The following SLC26A9 variants were observed in gnomAD, a reference collection of about 807,000 sequenced individuals.
The protein encoded by SLC26A9 is solute carrier family 26 member 9.
In SLC26A9, 46 loss-of-function variants were observed where a neutral mutation model predicts 87.1. The observed-to-expected ratio is 0.53, with a 90% CI of 0.42 to 0.67. The LOEUF is 0.67. Among genes scored for constraint, SLC26A9 ranks in the 30% least tolerant of loss-of-function variants. SLC26A9 has a pLI of 0.00. For missense variants in SLC26A9, 927 were observed against 1,018.3 expected (o/e 0.91, Z 1.22); for synonymous variants, 437 against 409.1 (o/e 1.07, Z -0.82).
chr1:205,917,475 C>T (rs917889584), intron 19 of SLC26A9, 121 bp from the exon 20 acceptor site: 1 of 910,878 alleles, frequency 1.1e-6, no homozygotes, highest in South Asian at 1.4e-5. Context: ...TGACACATGA[C>T]TTATCCTCTT....
rs1334134939 is a variant in SLC26A9, at chr1:205,920,165, C to T, written c.2110+11G>A. ...CAGTCTTTCAGTCCCTAAATGTCCT[C>T]TTTCTCTTACCATGGATGTTCACCA... On this transcript the variant is annotated intron_variant, in intron 18 of 20. Coordinates refer to ENST00000367135, the MANE Select transcript of SLC26A9 (RefSeq NM_052934.4). 4 of 1,613,754 alleles carry T rather than the reference C, an allele frequency of 2.5e-6. No individual in the cohort carries two copies. The highest frequency in any genetic ancestry group is 3.4e-6 in the Non-Finnish European group (4 of 1,179,788).
rs528418389 is a variant in SLC26A9, at chr1:205,917,109, A to G, written c.2328+174T>C. Among the ~76,000 whole-genome samples, 5 of 149,172 alleles carry G rather than the reference A, an allele frequency of 3.4e-5. No individual in the cohort carries two copies. In the South Asian group the frequency reaches 6.3e-4, roughly 19 times the overall value. On this transcript the variant is annotated intron_variant, in intron 20 of 20. Transcript: ENST00000367135. Reference sequence around the variant, plus strand: ...CTTTGTCTCAAATTAAAAAAAAAAAAAAAAGAAAAGGAAAAGAAAAAAAAC... The same window carrying G: ...CTTTGTCTCAAATTAAAAAAAAAAAGAAAAGAAAAGGAAAAGAAAAAAAAC...
chr1:205,927,773 G>A (rs1659138001), intron 9 of SLC26A9, 129 bp downstream of exon 9: 12 of 1,484,798 alleles, frequency 8.1e-6, no homozygotes, highest in Non-Finnish European at 1.1e-5. Context: ...AGGGTCAGAG[G>A]ACCCCCTATC....
intron 8 of SLC26A9, chr1:205,928,396 G>C: frequency 2.6e-6 from 1 of 385,682 alleles, no homozygotes; most frequent in South Asian, 3.7e-5. Context: ...TCCCTTGCCT[G>C]TTCCAACCCT....
At chr1:205,929,750 A>T (rs1659230436) in intron 6 of SLC26A9, 142 bp downstream of exon 6, 1 of 1,131,232 alleles carries the variant, frequency 8.8e-7, no homozygotes, top group Non-Finnish European at 1.2e-6. Flanking sequence ...CTCCCAAGAC[A>T]GAAACCCCCT....
At chr1:205,938,154 C>T (rs1372916104) in intron 1 of SLC26A9, among the ~76,000 whole-genome samples, 1 of 151,944 alleles carries the variant, frequency 6.6e-6, no homozygotes, top group South Asian at 2.1e-4. Context: ...TACCTTTCTT[C>T]CTGCCACCCA....
At chr1:205,941,018 G>C (rs1659722394) in intron 1 of SLC26A9, among the ~76,000 whole-genome samples, 1 of 152,186 alleles carries the variant, frequency 6.6e-6, no homozygotes, top group East Asian at 1.9e-4. Flanking sequence ...GGGCCACAGG[G>C]TAAGAGCAGC....
chr1:205,928,097 A>C (rs61218473), intron 8 of SLC26A9, 48 bp from the exon 9 acceptor site: 2 of 1,587,014 alleles, frequency 1.3e-6, no homozygotes, highest in East Asian at 4.5e-5. Context: ...GTGAGTGGGG[A>C]GGGCAGCCAA....
At chr1:205,922,921 G>C (rs1437956306) in intron 16 of SLC26A9, among the ~76,000 whole-genome samples, 161 bp downstream of exon 16, 1 of 151,916 alleles carries the variant, frequency 6.6e-6, no homozygotes, top group African/African-American at 2.4e-5. Context: ...AGAAAAAAAA[G>C]AAGAAAAATG....
At chr1:205,923,706 T>C in intron 13 of SLC26A9, 93 bp from the exon 14 acceptor site, 1 of 1,375,452 alleles carries the variant, frequency 7.3e-7, no homozygotes, top group Non-Finnish European at 1.0e-6. Flanking sequence ...AGAGCCAAGG[T>C]AGGATGGGGT....
intron 1 of SLC26A9, among the ~76,000 whole-genome samples, chr1:205,937,383 G>A (rs56029782): frequency 0.014 from 2,114 of 152,310 alleles, 53 homozygotes; most frequent in African/African-American, 0.048. Context: ...GCAGAAATGA[G>A]TAAGGGCAAT....
Position 205,926,613 on chromosome 1 carries a change from C to A in SLC26A9, c.1311G>T (p.Leu437=), listed in dbSNP as rs1021610722. Residue 437 remains leucine (L), a synonymous_variant, in exon 12 of 21, where the codon CTG becomes CTT. Coordinates refer to ENST00000367135, the MANE Select transcript of SLC26A9 (RefSeq NM_052934.4). ...YPLPKSVLGA[L]IAVNLKNSLK... is the part of the protein sequence containing the mutation. ...GGGAGTTCTTGAGATTGACAGCGAT[C>A]AGGGCTCCTAGCACAGACTAGAGAA... 1.2e-6 allele frequency: 2 copies of A among 1,614,030 alleles called. No individual in the cohort carries two copies. Among genetic ancestry groups the A allele is most frequent in the Non-Finnish European group, 1.7e-6 (2 of 1,179,974 alleles).
intron 1 of SLC26A9, among the ~76,000 whole-genome samples, chr1:205,938,266 G>A (rs11240597): frequency 2.0e-5 from 3 of 147,414 alleles, no homozygotes; most frequent in African/African-American, 7.6e-5. Context: ...TTCCTCCCTC[G>A]CTTCCTTCCT....
At chr1:205,934,401 C>T (rs1260044851) in intron 2 of SLC26A9, among the ~76,000 whole-genome samples, 6 of 152,086 alleles carry the variant, frequency 3.9e-5, no homozygotes, top group East Asian at 1.9e-4. Flanking sequence ...CAGAGAAAGC[C>T]GGACTTATGA....
intron 16 of SLC26A9, 138 bp from the exon 17 acceptor site, chr1:205,921,985 G>A (rs1571734451): frequency 8.4e-7 from 1 of 1,185,884 alleles, no homozygotes; most frequent in Non-Finnish European, 1.2e-6. Context: ...GACCCTGAAA[G>A]CTCCACCAGA....
chr1:205,931,073 C>T (rs1659283609), intron 5 of SLC26A9, among the ~76,000 whole-genome samples: 1 of 152,236 alleles, frequency 6.6e-6, no homozygotes, highest in African/African-American at 2.4e-5. Context: ...TGAAAAGGCG[C>T]TCTCTGGGAC....
At chr1:205,921,373 G>A (rs1249435983) in intron 17 of SLC26A9, among the ~76,000 whole-genome samples, 193 bp downstream of exon 17, 1 of 152,206 alleles carries the variant, frequency 6.6e-6, no homozygotes, top group Admixed American at 6.5e-5. Flanking sequence ...GTCATGGGCC[G>A]TCTGGGCCTG....
intron 19 of SLC26A9, among the ~76,000 whole-genome samples, chr1:205,917,831 A>G (rs926678734): frequency 2.6e-4 from 39 of 152,320 alleles, no homozygotes; most frequent in Non-Finnish European, 3.4e-4. Context: ...TTATAAGTCT[A>G]TGACTAATCA....
chr1:205,927,111 C>T lies in SLC26A9; in HGVS notation c.1293+100G>A, dbSNP rs377058207. 2.3e-4 allele frequency: 285 copies of T among 1,238,224 alleles called. 1 individual carries two copies. In the African/African-American group the frequency reaches 3.6e-3, roughly 16 times the overall value. The allele number at this position is 1,238,224 out of a possible 1,614,324, so 76.7% of individuals were successfully genotyped here. On this transcript the variant is annotated intron_variant, in intron 11 of 20. Transcript: ENST00000367135. Reference sequence around the variant, plus strand: ...AGTTTGTGGTTGAGACTAAGTGTGACAACAGTGGCACTTTGTGGTCCGTAA... The same window carrying T: ...AGTTTGTGGTTGAGACTAAGTGTGATAACAGTGGCACTTTGTGGTCCGTAA...
Sources: gnomAD v4.1 joint callset for allele counts (sites outside exome capture counted in the v4.1 genomes callset) on GRCh38, gnomAD v4.1.1 for gene constraint, MANE v1.5 for transcripts, NCBI Gene and HGNC (gene_info 2026-07-23, HGNC 2026-07-21) for gene names.